OBI1: variants seen among roughly 807,000 people sequenced by gnomAD.
The protein encoded by OBI1 is ORC ubiquitin ligase 1.
Under a neutral mutation model 62.4 loss-of-function variants are expected in OBI1, and 59 were observed. The ratio of observed to expected loss-of-function variants is 0.95; its 90% CI spans 0.77 to 1.17. The LOEUF is 1.17. Among genes scored for constraint, OBI1 ranks in the 50% most tolerant of loss-of-function variants. The probability of loss-of-function intolerance (pLI) is 0.00; values close to 1 mark genes in which losing one functional copy is unlikely to be tolerated. For synonymous variants in OBI1, 302 were observed against 292.8 expected (o/e 1.03, Z -0.32); for missense variants, 875 against 830.9 (o/e 1.05, Z -0.65).
rs753085246 is a variant in OBI1, at chr13:78,615,861, G to A, written c.1900C>T (p.Pro634Ser). The change falls in exon 6 of 6, where the codon CCA (proline) becomes TCA (serine). Residue 634 changes from proline to serine, a missense_variant. Transcript: ENST00000282003. ...GGGGGTTTGATTTCATTAGTTACTG[G>A]ACAAGAACTGGAATGGAGTGAAAAA... is the stretch of plus-strand genomic sequence containing the variant. ...EDFSLHSSSC[P>S]VTNEIKPPSC... 16 of 1,613,998 alleles carry A rather than the reference G, an allele frequency of 9.9e-6. No homozygotes were observed. The African/African-American group carries it at 2.1e-4, about 22-fold the overall frequency.
intron 1 of OBI1, among the ~76,000 whole-genome samples, chr13:78,658,557 CA>C (rs984848862): frequency 6.6e-6 from 1 of 152,186 alleles, no homozygotes; most frequent in Non-Finnish European, 1.5e-5. Context: ...AGGATAAAGG[CA>C]AAAGGTCTTG....
At position 78,630,493 on chromosome 13, in the gene OBI1, T is replaced by C. The variant is rs75129673; in HGVS notation, c.638+4617A>G. Among the ~76,000 whole-genome samples the C allele has an allele frequency of 9.3e-3, 1,420 of 152,202 alleles. 11 individuals carry two copies. Among genetic ancestry groups the C allele is most frequent in the Non-Finnish European group, 0.013 (912 of 68,004 alleles). ...CTAAATGTTTGTGTCCCCCATAAAT[T>C]CTTATGTTGAAACCTAATCCCTAAA... is the stretch of plus-strand genomic sequence containing the variant. On this transcript the variant is annotated intron_variant, in intron 5 of 5. Transcript: ENST00000282003.
At chr13:78,654,205 A>G (rs1257728505) in intron 1 of OBI1, among the ~76,000 whole-genome samples, 1 of 152,194 alleles carries the variant, frequency 6.6e-6, no homozygotes, top group Non-Finnish European at 1.5e-5. Context: ...TATGTCAGCT[A>G]TTACATACCA....
chr13:78,647,722 T>G (rs1413670577), intron 1 of OBI1, among the ~76,000 whole-genome samples: 1 of 152,228 alleles, frequency 6.6e-6, no homozygotes. Flanking sequence ...GTCTTATTTC[T>G]TTTCTCAGTC....
chr13:78,628,672 G>T (rs577034858), intron 5 of OBI1, among the ~76,000 whole-genome samples: 1 of 152,176 alleles, frequency 6.6e-6, no homozygotes, highest in Non-Finnish European at 1.5e-5. Context: ...TTAAGCAGGA[G>T]ATTTAAATAA....
intron 5 of OBI1, among the ~76,000 whole-genome samples, chr13:78,623,767 C>G (rs1380684237): frequency 6.6e-6 from 1 of 152,094 alleles, no homozygotes; most frequent in South Asian, 2.1e-4. Flanking sequence ...AATAGAAACA[C>G]AGAGGAAATA....
At chr13:78,654,029 G>GAAAA (rs11421042) in intron 1 of OBI1, among the ~76,000 whole-genome samples, 1 of 133,560 alleles carries the variant, frequency 7.5e-6, no homozygotes. Flanking sequence ...ATAACTTAAG[G>GAAAA]AAAAAAAAAA....
At chr13:78,632,231 G>C (rs931791834) in intron 5 of OBI1, among the ~76,000 whole-genome samples, 6 of 152,016 alleles carry the variant, frequency 3.9e-5, no homozygotes, top group African/African-American at 1.4e-4. Context: ...ACCATATAAA[G>C]ACATAACAAG....
intron 1 of OBI1, among the ~76,000 whole-genome samples, chr13:78,653,056 C>A (rs11840297): frequency 0.26 from 39,393 of 152,064 alleles, 5,442 homozygotes; most frequent in East Asian, 0.32. Context: ...ACCACCAAAT[C>A]CCCTTTCTTA....
intron 1 of OBI1, among the ~76,000 whole-genome samples, chr13:78,657,962 A>G (rs543138314): frequency 9.0e-4 from 137 of 152,282 alleles, no homozygotes; most frequent in Middle Eastern, 3.4e-3. Context: ...CTCCCAGCAC[A>G]TTTGCTATTT....
intron 1 of OBI1, among the ~76,000 whole-genome samples, chr13:78,649,810 G>C (rs1187093603): frequency 1.3e-5 from 2 of 152,132 alleles, no homozygotes; most frequent in East Asian, 1.9e-4. Flanking sequence ...GGGAAAATAG[G>C]GGGTGTGTGA....
At chr13:78,619,321 C>A (rs55732367) in intron 5 of OBI1, among the ~76,000 whole-genome samples, 18,156 of 131,260 alleles carry the variant, frequency 0.14, 1,255 homozygotes, top group African/African-American at 0.25. Context: ...GCCTCTCTCT[C>A]TCTATATATT....
intron 1 of OBI1, 123 bp from the exon 2 acceptor site, chr13:78,645,120 T>A: frequency 2.2e-6 from 2 of 916,326 alleles, no homozygotes; most frequent in Non-Finnish European, 3.3e-6. Context: ...AAGGGATATC[T>A]AGCGCTTTTA....
chr13:78,616,275 A>T lies in OBI1; in HGVS notation c.1486T>A (p.Ser496Thr). The T allele has an allele frequency of 6.2e-7, 1 of 1,613,850 alleles. No homozygotes were observed. The highest frequency in any genetic ancestry group is 1.1e-5 in the South Asian group (1 of 91,060). The change falls in exon 6 of 6, where the codon TCT (serine) becomes ACT (threonine). Residue 496 changes from serine (S) to threonine (T), a missense_variant. Coordinates refer to ENST00000282003, the MANE Select transcript of OBI1 (RefSeq NM_024546.4). ...NTIANSVGEISSKLSEKSGLC... is the reference protein window; with the variant it reads ...NTIANSVGEITSKLSEKSGLC... ...CCTGATTTCTCACTCAATTTTGAAG[A>T]TATTTCTCCAACAGAATTTGCTATC...
At chr13:78,626,031 A>C (rs1875655440) in intron 5 of OBI1, among the ~76,000 whole-genome samples, 1 of 152,220 alleles carries the variant, frequency 6.6e-6, no homozygotes, top group African/African-American at 2.4e-5. Context: ...AACTAACTGC[A>C]CAGCTCAGAG....
chr13:78,645,152 ACTTTT>A (rs1329332045), intron 1 of OBI1, among the ~76,000 whole-genome samples, 155 bp from the exon 2 acceptor site: 1 of 146,316 alleles, frequency 6.8e-6, no homozygotes, highest in Non-Finnish European at 1.5e-5. Context: ...TCTGTTGGTC[ACTTTT>A]CTTTTTACAC....
In OBI1 at chr13:78,651,498, T is replaced by C. The variant is rs953943727; in HGVS notation, c.73-6501A>G. 5.3e-5 allele frequency among the ~76,000 whole-genome samples: 8 copies of C among 152,308 alleles called. No homozygotes were observed. In the South Asian group the frequency reaches 1.7e-3, roughly 32 times the overall value. On this transcript the variant is annotated intron_variant, in intron 1 of 5. Transcript: ENST00000282003. ...CTTCAACCTCACAGGTCTACTTATG[T>C]TCACCAATAAGAATATGAACACTGG...
chr13:78,641,900 T>C (rs946168915), intron 3 of OBI1, among the ~76,000 whole-genome samples: 2 of 151,422 alleles, frequency 1.3e-5, no homozygotes, highest in African/African-American at 4.8e-5. Flanking sequence ...ATTCCCCCAT[T>C]CCTTGGTACT....
At chr13:78,640,310 A>G (rs1033034404) in intron 3 of OBI1, among the ~76,000 whole-genome samples, 2 of 152,284 alleles carry the variant, frequency 1.3e-5, no homozygotes, top group South Asian at 4.1e-4. Flanking sequence ...GAAAATCACT[A>G]GTGCTGTATT....
Sources: gnomAD v4.1 joint callset for allele counts (sites outside exome capture counted in the v4.1 genomes callset) on GRCh38, gnomAD v4.1.1 for gene constraint, MANE v1.5 for transcripts, NCBI Gene and HGNC (gene_info 2026-07-23, HGNC 2026-07-21) for gene names.